The following DCLK1 variants were observed in gnomAD, a reference collection of about 807,000 sequenced individuals.
The protein encoded by DCLK1 is doublecortin like kinase 1, also known as serine/threonine-protein kinase DCLK1.
DCLK1 carries 16 observed loss-of-function variants against 86.2 expected under a neutral mutation model. The ratio of observed to expected loss-of-function variants is 0.19; its 90% CI spans 0.13 to 0.28. The LOEUF (loss-of-function observed/expected upper bound fraction) is 0.28. Ranked by LOEUF, DCLK1 falls within the 10% of genes least tolerant of loss-of-function variation. The pLI, the probability that DCLK1 is intolerant of heterozygous loss-of-function variation, is 1.00. For missense variants in DCLK1, 590 were observed against 940.2 expected (o/e 0.63, Z 4.87); for synonymous variants, 369 against 370.5 (o/e 1.00, Z 0.05).
chr13:36,024,113 C>T (rs544981522), intron 3 of DCLK1, among the ~76,000 whole-genome samples: 181 of 151,792 alleles, frequency 1.2e-3, no homozygotes, highest in African/African-American at 4.2e-3. Flanking sequence ...CAAGGCTGGT[C>T]TCAAACTCCT....
intron 3 of DCLK1, among the ~76,000 whole-genome samples, chr13:36,019,602 C>T (rs1230839768): frequency 6.6e-6 from 1 of 152,178 alleles, no homozygotes; most frequent in South Asian, 2.1e-4. Context: ...CCTGAGAACA[C>T]TTATCACGAT....
At chr13:36,016,514 T>C (rs1881542672) in intron 3 of DCLK1, among the ~76,000 whole-genome samples, 1 of 152,122 alleles carries the variant, frequency 6.6e-6, no homozygotes, top group Non-Finnish European at 1.5e-5. Context: ...CACATAATGG[T>C]AGAAGAGAAA....
At chr13:35,996,035 T>C (rs982697109) in intron 3 of DCLK1, among the ~76,000 whole-genome samples, 1 of 152,080 alleles carries the variant, frequency 6.6e-6, no homozygotes, top group Non-Finnish European at 1.5e-5. Flanking sequence ...TTCAAGTGAT[T>C]CTCCTGCCTC....
intron 4 of DCLK1, among the ~76,000 whole-genome samples, chr13:35,894,500 A>C (rs1414191072): frequency 1.3e-5 from 2 of 152,186 alleles, no homozygotes; most frequent in Admixed American, 1.3e-4. Context: ...GCTAATATGC[A>C]CTGGGCACCT....
chr13:35,776,359 G>A (rs1294426508), intron 16 of DCLK1, among the ~76,000 whole-genome samples: 1 of 152,168 alleles, frequency 6.6e-6, no homozygotes, highest in Admixed American at 6.5e-5. Context: ...GCATTTTGTA[G>A]TTAATCCAAA....
chr13:35,941,367 T>C (rs1365433471), intron 4 of DCLK1, among the ~76,000 whole-genome samples: 1 of 152,170 alleles, frequency 6.6e-6, no homozygotes, highest in Admixed American at 6.5e-5. Flanking sequence ...ATGGTTAGAA[T>C]AGAATATTTC....
In DCLK1 at chr13:35,825,769, G is replaced by A. The variant is rs112637831; in HGVS notation, c.1407+1866C>T. ...TAATTTAATAATAAAGCACCAACGG[G>A]AAAATCTTCATATTTTTTCTTTATT... On this transcript the variant is annotated intron_variant, in intron 10 of 16. Transcript: ENST00000360631. Among the ~76,000 whole-genome samples, 556 of 152,136 alleles carry A rather than the reference G, an allele frequency of 3.7e-3. 2 individuals are homozygous for A. The highest frequency in any genetic ancestry group is 0.013 in the African/African-American group (521 of 41,536).
chr13:36,091,065 C>A (rs1480547752), intron 3 of DCLK1, among the ~76,000 whole-genome samples: 2 of 152,126 alleles, frequency 1.3e-5, no homozygotes, highest in African/African-American at 2.4e-5. Context: ...TGTTTAAGTT[C>A]CTTGTAGATT....
chr13:35,906,655 A>C (rs1290083398), intron 4 of DCLK1, among the ~76,000 whole-genome samples: 1 of 152,202 alleles, frequency 6.6e-6, no homozygotes, highest in Non-Finnish European at 1.5e-5. Flanking sequence ...TAAAGTCTGG[A>C]AATGCAGTTT....
At chr13:36,122,309 C>T (rs1211654520) in intron 2 of DCLK1, among the ~76,000 whole-genome samples, 1 of 152,114 alleles carries the variant, frequency 6.6e-6, no homozygotes, top group African/African-American at 2.4e-5. Flanking sequence ...AGTGAAAAGC[C>T]AAGGCATACA....
At chr13:35,855,998 G>C (rs939257780) in intron 5 of DCLK1, 3 of 403,888 alleles carry the variant, frequency 7.4e-6, no homozygotes, top group African/African-American at 2.2e-5. Context: ...TTGATTTTTC[G>C]CACTTGATGT....
intron 4 of DCLK1, among the ~76,000 whole-genome samples, chr13:35,923,436 C>T (rs563023664): frequency 1.3e-5 from 2 of 151,874 alleles, no homozygotes; most frequent in African/African-American, 4.8e-5. Context: ...ACTGGGAACA[C>T]GGCCAGGGCT....
At chr13:35,860,590 T>A (rs1422130375) in intron 5 of DCLK1, among the ~76,000 whole-genome samples, 1 of 152,140 alleles carries the variant, frequency 6.6e-6, no homozygotes, top group Non-Finnish European at 1.5e-5. Context: ...ATTAATTTTT[T>A]AAATAAATAC....
At chr13:36,117,984 A>G (rs1566019531) in intron 2 of DCLK1, among the ~76,000 whole-genome samples, 1 of 152,254 alleles carries the variant, frequency 6.6e-6, no homozygotes, top group Non-Finnish European at 1.5e-5. Flanking sequence ...TACCATTGAC[A>G]AAAAAGAGAG....
chr13:35,874,163 T>C lies in DCLK1; in HGVS notation c.824-2823A>G, dbSNP rs187970861. On this transcript the variant is annotated intron_variant, in intron 4 of 16. Transcript: ENST00000360631. The stretch of plus-strand genomic sequence containing the variant: ...TTCTGATGCCTGACTTCAAAATTTT[T>C]CTTCCCTATCCACGCAATTTCTAAT... 4.9e-3 allele frequency among the ~76,000 whole-genome samples: 750 copies of C among 152,340 alleles called. 5 individuals carry two copies. Among genetic ancestry groups the C allele is most frequent in the Admixed American group, 0.011 (169 of 15,310 alleles).
intron 6 of DCLK1, 101 bp from the exon 7 acceptor site, chr13:35,839,277 T>C: frequency 1.0e-6 from 1 of 996,072 alleles, no homozygotes; most frequent in Non-Finnish European, 1.5e-6. Flanking sequence ...ACTTTGCCCA[T>C]GCTAGGGAGG....
chr13:35,827,067 T>C (rs1344997503), intron 10 of DCLK1, among the ~76,000 whole-genome samples: 2 of 152,230 alleles, frequency 1.3e-5, no homozygotes, highest in Non-Finnish European at 1.5e-5. Context: ...TCATCAACAA[T>C]TGGCTATCCC....
intron 3 of DCLK1, among the ~76,000 whole-genome samples, chr13:36,046,411 C>T (rs988145345): frequency 6.6e-6 from 1 of 152,186 alleles, no homozygotes; most frequent in African/African-American, 2.4e-5. Flanking sequence ...ATAACACATT[C>T]CTTAAAATAC....
chr13:36,006,705 A>G (rs1880978421), intron 3 of DCLK1, among the ~76,000 whole-genome samples: 2 of 152,142 alleles, frequency 1.3e-5, no homozygotes. Flanking sequence ...AGAGCCTTCT[A>G]TTTGGGGTGG....
Sources: allele counts gnomAD v4.1 joint callset (sites outside exome capture counted in the v4.1 genomes callset), GRCh38; gene constraint gnomAD v4.1.1; transcripts MANE v1.5; gene names NCBI Gene and HGNC (gene_info 2026-07-23, HGNC 2026-07-21).